SORCS3: variants seen among roughly 807,000 people sequenced by gnomAD.
SORCS3 encodes the protein VPS10 domain-containing receptor SorCS3.
A neutral mutation model predicts 146.3 loss-of-function variants in SORCS3; 57 were observed. The ratio of observed to expected loss-of-function variants is 0.39; its 90% CI spans 0.31 to 0.49. The LOEUF (loss-of-function observed/expected upper bound fraction) is 0.49. SORCS3 is among the 20% of genes least tolerant of loss of function. SORCS3 has a pLI of 0.92. For missense variants in SORCS3, 1,341 were observed against 1,575.5 expected (o/e 0.85, Z 2.52); for synonymous variants, 653 against 618.5 (o/e 1.06, Z -0.83).
At chr10:105,217,961 TC>T (rs2056675519) in intron 19 of SORCS3, 1 of 446,226 alleles carries the variant, frequency 2.2e-6, no homozygotes, top group East Asian at 7.0e-5. Context: ...CACAAGAGTT[TC>T]CAGGTAATAT....
intron 1 of SORCS3, among the ~76,000 whole-genome samples, chr10:104,749,938 G>C (rs1389171481): frequency 6.6e-6 from 1 of 152,076 alleles, no homozygotes; most frequent in African/African-American, 2.4e-5. Context: ...ATGAAAATGA[G>C]CATTATTCTT....
chr10:105,198,212 C>T (rs2056554698), intron 14 of SORCS3, among the ~76,000 whole-genome samples: 1 of 152,058 alleles, frequency 6.6e-6, no homozygotes, highest in South Asian at 2.1e-4. Context: ...TTTTTGTGAT[C>T]CAGGAAGTAA....
At chr10:105,132,170 G>A (rs1024765542) in intron 7 of SORCS3, among the ~76,000 whole-genome samples, 3 of 152,222 alleles carry the variant, frequency 2.0e-5, no homozygotes, top group Middle Eastern at 6.8e-3. Context: ...TATGTTATAT[G>A]ATTTTCCTAC....
chr10:105,225,531 TG>T (rs1343946179), intron 20 of SORCS3, among the ~76,000 whole-genome samples: 12 of 152,044 alleles, frequency 7.9e-5, no homozygotes, highest in Non-Finnish European at 2.9e-5. Context: ...TCTTCAACTT[TG>T]TTCTCCTTCA....
chr10:105,190,839 G>C (rs1448095854), intron 14 of SORCS3, among the ~76,000 whole-genome samples: 1 of 152,126 alleles, frequency 6.6e-6, no homozygotes, highest in African/African-American at 2.4e-5. Context: ...ATCCAGCAAA[G>C]ACAAAGTAAA....
At chr10:104,822,264 G>C (rs2017882369) in intron 1 of SORCS3, among the ~76,000 whole-genome samples, 1 of 152,130 alleles carries the variant, frequency 6.6e-6, no homozygotes, top group Non-Finnish European at 1.5e-5. Flanking sequence ...CACACAAGAA[G>C]GACTGCCGTG....
intron 3 of SORCS3, among the ~76,000 whole-genome samples, chr10:104,926,255 G>C (rs889276786): frequency 6.6e-6 from 1 of 152,194 alleles, no homozygotes; most frequent in Non-Finnish European, 1.5e-5. Flanking sequence ...AACCAGACTT[G>C]CTGACTGCCT....
chr10:105,128,346 C>T (rs1235419781), intron 7 of SORCS3, among the ~76,000 whole-genome samples: 1 of 152,052 alleles, frequency 6.6e-6, no homozygotes, highest in Non-Finnish European at 1.5e-5. Context: ...CTACTGTTGT[C>T]CCAAAATTCA....
At chr10:104,699,737 A>C (rs528729977) in intron 1 of SORCS3, among the ~76,000 whole-genome samples, 12 of 152,164 alleles carry the variant, frequency 7.9e-5, no homozygotes, top group Non-Finnish European at 1.3e-4. Context: ...TGAAATGTCT[A>C]AGAATTTAGA....
chr10:104,956,453 G>A (rs187825965), intron 3 of SORCS3, among the ~76,000 whole-genome samples: 212 of 152,308 alleles, frequency 1.4e-3, no homozygotes, highest in African/African-American at 4.7e-3. Flanking sequence ...TCATTTGAAA[G>A]TAACTGTTCG....
chr10:105,090,650 C>G (rs377081816), intron 6 of SORCS3, among the ~76,000 whole-genome samples: 1 of 152,132 alleles, frequency 6.6e-6, no homozygotes, highest in South Asian at 2.1e-4. Flanking sequence ...GAACAAGCAC[C>G]TGTCTGTGAG....
intron 7 of SORCS3, among the ~76,000 whole-genome samples, chr10:105,107,313 A>ATTTTTTTTTTTTTTTTTTTTTTTTTTTT (rs34529775): frequency 7.4e-6 from 1 of 134,354 alleles, no homozygotes; most frequent in Non-Finnish European, 1.6e-5. Context: ...TTCTATTTAG[A>ATTTTTTTTTTTTTTTTTTTTTTTTTTTT]TTTTTTTTTT....
At chr10:104,858,949 A>AAC (rs1205602530) in intron 2 of SORCS3, among the ~76,000 whole-genome samples, 6 of 150,766 alleles carry the variant, frequency 4.0e-5, no homozygotes, top group African/African-American at 9.8e-5. Context: ...AAAAAAAAAA[A>AAC]AAAACAACAA....
intron 1 of SORCS3, among the ~76,000 whole-genome samples, chr10:104,762,941 C>T (rs2017139327): frequency 1.3e-5 from 2 of 152,200 alleles, no homozygotes; most frequent in Admixed American, 1.3e-4. Flanking sequence ...AGTGCTCAGA[C>T]TCCATCCCCA....
intron 8 of SORCS3, 75 bp downstream of exon 8, chr10:105,139,561 A>G: frequency 8.5e-7 from 1 of 1,179,298 alleles, no homozygotes; most frequent in Non-Finnish European, 1.3e-6. Flanking sequence ...TTGTTGGGCT[A>G]CTGGGAGGTT....
At chr10:104,848,907 T>C (rs1444522902) in intron 2 of SORCS3, among the ~76,000 whole-genome samples, 1 of 152,184 alleles carries the variant, frequency 6.6e-6, no homozygotes, top group Non-Finnish European at 1.5e-5. Flanking sequence ...CAAGAATATA[T>C]ACATATCCAC....
chr10:104,883,375 C>T (rs1172822804), intron 2 of SORCS3, among the ~76,000 whole-genome samples: 2 of 152,156 alleles, frequency 1.3e-5, no homozygotes, highest in African/African-American at 2.4e-5. Flanking sequence ...GGAGACACTG[C>T]GGCTTCTTTC....
chr10:105,057,628 T>A (rs569243322), intron 5 of SORCS3, among the ~76,000 whole-genome samples: 1 of 152,186 alleles, frequency 6.6e-6, no homozygotes, highest in Non-Finnish European at 1.5e-5. Context: ...GCTAATGCAC[T>A]GGATTGGAAG....
At chr10:104,769,430 C>T (rs2017221532) in intron 1 of SORCS3, among the ~76,000 whole-genome samples, 2 of 152,190 alleles carry the variant, frequency 1.3e-5, no homozygotes. Context: ...CCACAGTGAA[C>T]ATTCCTACTC....
Sources: gnomAD v4.1 joint callset for allele counts (sites outside exome capture counted in the v4.1 genomes callset) on GRCh38, gnomAD v4.1.1 for gene constraint, MANE v1.5 for transcripts, NCBI Gene and HGNC (gene_info 2026-07-23, HGNC 2026-07-21) for gene names.